The following MTUS2 variants were observed in gnomAD, a reference collection of about 807,000 sequenced individuals.
The protein encoded by MTUS2 is microtubule-associated tumor suppressor candidate 2.
MTUS2 carries 40 observed loss-of-function variants against 114.1 expected under a neutral mutation model. The observed-to-expected ratio is 0.35, with a 90% CI of 0.27 to 0.46. MTUS2 has a LOEUF of 0.46. MTUS2 is among the 20% of genes least tolerant of loss of function. The pLI is 1.00. For missense variants in MTUS2, 1,679 were observed against 1,705.4 expected (o/e 0.98, Z 0.27); for synonymous variants, 688 against 672.0 (o/e 1.02, Z -0.37).
intron 6 of MTUS2, among the ~76,000 whole-genome samples, chr13:29,324,046 T>C (rs946287072): frequency 6.6e-6 from 1 of 152,200 alleles, no homozygotes; most frequent in Non-Finnish European, 1.5e-5. Context: ...ATGCTTTTGC[T>C]GGACCAGCTC....
chr13:28,882,792 G>A lies in MTUS2; in HGVS notation c.-243+42942G>A, dbSNP rs147608925. Among the ~76,000 whole-genome samples the A allele has an allele frequency of 3.6e-3, 548 of 151,940 alleles. 2 individuals are homozygous for A. Among genetic ancestry groups the A allele is most frequent in the Non-Finnish European group, 5.5e-3 (373 of 67,938 alleles). ...AACTAAAAACTGCTTTTCAAAAGACGTCATAAAAAAATGAAAAGGCAAGCC... is the reference window on the plus strand; with the variant it reads ...AACTAAAAACTGCTTTTCAAAAGACATCATAAAAAAATGAAAAGGCAAGCC... On this transcript the variant is annotated intron_variant, in intron 2 of 15. Coordinates refer to ENST00000612955, the MANE Select transcript of MTUS2 (RefSeq NM_001033602.4).
At chr13:29,008,556 C>CATAT (rs1024795107) in intron 2 of MTUS2, among the ~76,000 whole-genome samples, 3 of 152,136 alleles carry the variant, frequency 2.0e-5, no homozygotes, top group African/African-American at 7.2e-5. Flanking sequence ...GGGGAATATA[C>CATAT]ATATGTTTGA....
chr13:29,489,148 G>A (rs186242082), intron 11 of MTUS2, among the ~76,000 whole-genome samples: 4 of 152,210 alleles, frequency 2.6e-5, no homozygotes, highest in South Asian at 2.1e-4. Context: ...AGCCAGGCGC[G>A]GTGGGCTGGC....
rs1342522782 is a variant in MTUS2 at position 29,025,962 on chromosome 13, T to A, written c.1264T>A (p.Leu422Met). The A allele has an allele frequency of 1.9e-6, 3 of 1,613,736 alleles. No individual in the cohort carries two copies. Among genetic ancestry groups the A allele is most frequent in the Non-Finnish European group, 2.5e-6 (3 of 1,179,858 alleles). The stretch of plus-strand genomic sequence containing the variant: ...AATTTCACCATGTGCAGGTGAGAAG[T>A]TGGGTGAAAGGACATCCAGCAGCTT... ...GKISPCAGEKLGERTSSSFSP... is the reference protein window; with the variant it reads ...GKISPCAGEKMGERTSSSFSP... The change falls in exon 3 of 16, where the codon TTG becomes ATG. Residue 422 changes from leucine (L) to methionine (M), a missense_variant. Leu to Met is a conservative substitution (Grantham distance 15). Coordinates refer to ENST00000612955, the MANE Select transcript of MTUS2 (RefSeq NM_001033602.4).
At chr13:28,966,736 A>AAC (rs1555279089) in intron 2 of MTUS2, among the ~76,000 whole-genome samples, 2 of 151,546 alleles carry the variant, frequency 1.3e-5, no homozygotes, top group Admixed American at 6.6e-5. Context: ...AAAAAAAAAA[A>AAC]AAAAAAAAAA....
intron 2 of MTUS2, among the ~76,000 whole-genome samples, chr13:29,001,808 C>T (rs1165634980): frequency 6.6e-6 from 1 of 152,008 alleles, no homozygotes; most frequent in Non-Finnish European, 1.5e-5. Context: ...TCTCTAGGGT[C>T]CTTGTAAGAG....
intron 5 of MTUS2, among the ~76,000 whole-genome samples, chr13:29,279,429 C>A (rs184784112): frequency 6.6e-6 from 1 of 152,324 alleles, no homozygotes; most frequent in East Asian, 1.9e-4. Flanking sequence ...CTGGCTCACA[C>A]AAGCAGTTTA....
intron 4 of MTUS2, among the ~76,000 whole-genome samples, chr13:29,087,996 T>C (rs930878502): frequency 1.4e-4 from 21 of 150,026 alleles, no homozygotes; most frequent in South Asian, 6.3e-4. Flanking sequence ...GAGGCGGAGC[T>C]TGCAGTGGGC....
chr13:28,941,422 ACAAAT>A (rs1566239505), intron 2 of MTUS2, among the ~76,000 whole-genome samples: 1 of 152,128 alleles, frequency 6.6e-6, no homozygotes, highest in African/African-American at 2.4e-5. Flanking sequence ...TAGAACAATA[ACAAAT>A]CAAGACATGC....
chr13:28,919,356 A>T (rs1880917842), intron 2 of MTUS2, among the ~76,000 whole-genome samples: 1 of 151,946 alleles, frequency 6.6e-6, no homozygotes, highest in African/African-American at 2.4e-5. Flanking sequence ...TTGTAGGGTA[A>T]AAGTTTTTTT....
chr13:29,299,488 G>C (rs1165104234), intron 6 of MTUS2, among the ~76,000 whole-genome samples: 1 of 152,198 alleles, frequency 6.6e-6, no homozygotes, highest in Admixed American at 6.5e-5. Context: ...TCACAGGAGA[G>C]AGCAACATGA....
intron 2 of MTUS2, among the ~76,000 whole-genome samples, chr13:29,006,808 A>G (rs1042568192): frequency 6.6e-5 from 10 of 152,160 alleles, no homozygotes; most frequent in Non-Finnish European, 1.0e-4. Context: ...CAACTGGACA[A>G]TCTTTAAATC....
intron 8 of MTUS2, among the ~76,000 whole-genome samples, chr13:29,411,966 T>G (rs1479353837): frequency 6.6e-6 from 1 of 152,232 alleles, no homozygotes; most frequent in East Asian, 1.9e-4. Flanking sequence ...TGTGAGTCAG[T>G]TTTATCATTC....
intron 6 of MTUS2, among the ~76,000 whole-genome samples, chr13:29,295,673 A>G (rs956154402): frequency 2.0e-5 from 3 of 152,174 alleles, no homozygotes; most frequent in Non-Finnish European, 4.4e-5. Flanking sequence ...TCATACCACT[A>G]TGAAGAAATG....
At chr13:28,959,231 T>C (rs1474156766) in intron 2 of MTUS2, among the ~76,000 whole-genome samples, 1 of 152,206 alleles carries the variant, frequency 6.6e-6, no homozygotes, top group Non-Finnish European at 1.5e-5. Context: ...CGACTCCAGC[T>C]GAACACCACG....
chr13:29,058,565 G>T (rs1923518), intron 4 of MTUS2, among the ~76,000 whole-genome samples: 136,725 of 143,078 alleles, frequency 0.96, 65,208 homozygotes, highest in Non-Finnish European at 0.98. Context: ...CCAGGTTGAT[G>T]CTTTTTTTTT....
At chr13:29,375,646 C>G (rs1298762416) in intron 8 of MTUS2, among the ~76,000 whole-genome samples, 1 of 112,118 alleles carries the variant, frequency 8.9e-6, no homozygotes, top group East Asian at 2.5e-4. Flanking sequence ...TATACACACA[C>G]CATGAAATAC....
intron 10 of MTUS2, among the ~76,000 whole-genome samples, chr13:29,485,931 G>A (rs1881582585): frequency 6.6e-6 from 1 of 152,164 alleles, no homozygotes; most frequent in African/African-American, 2.4e-5. Context: ...TGTGGGGTGG[G>A]GGCGGGGGAA....
In MTUS2 at chr13:28,897,810, C is replaced by G. The variant is rs554159433; in HGVS notation, c.-243+57960C>G. On this transcript the variant is annotated intron_variant, in intron 2 of 15. Coordinates refer to ENST00000612955, the MANE Select transcript of MTUS2 (RefSeq NM_001033602.4). The stretch of plus-strand genomic sequence containing the variant: ...AGCATACTATCACAAGGACAAAAAA[C>G]CAAACACCGCATGTTCTCACTCATA... Among the ~76,000 whole-genome samples the G allele has an allele frequency of 8.3e-4, 125 of 150,636 alleles. 1 individual carries two copies. Among genetic ancestry groups the G allele is most frequent in the Non-Finnish European group, 1.6e-4 (11 of 67,856 alleles).
Sources: allele counts gnomAD v4.1 joint callset (sites outside exome capture counted in the v4.1 genomes callset), GRCh38; gene constraint gnomAD v4.1.1; transcripts MANE v1.5; gene names NCBI Gene and HGNC (gene_info 2026-07-23, HGNC 2026-07-21).